Variants in SH3GL2 observed in about 807,000 individuals in gnomAD.
SH3GL2 encodes endophilin-A1.
SH3GL2 carries 24 observed loss-of-function variants against 46.0 expected under a neutral mutation model. The observed-to-expected ratio is 0.52, with a 90% CI of 0.38 to 0.73. The LOEUF (loss-of-function observed/expected upper bound fraction) is 0.73. Ranked by LOEUF, SH3GL2 falls within the 30% of genes least tolerant of loss-of-function variation. SH3GL2 has a pLI of 0.00. For synonymous variants in SH3GL2, 196 were observed against 147.1 expected (o/e 1.33, Z -2.40); for missense variants, 413 against 424.2 (o/e 0.97, Z 0.23).
chr9:17,793,901 C>T (rs543195760), intron 8 of SH3GL2, among the ~76,000 whole-genome samples: 6 of 152,222 alleles, frequency 3.9e-5, no homozygotes, highest in African/African-American at 1.2e-4. Flanking sequence ...ACAGTGTGTC[C>T]CCACATGCAT....
chr9:17,658,613 A>C lies in SH3GL2; in HGVS notation c.45+79326A>C, dbSNP rs116943816. On this transcript the variant is annotated intron_variant, in intron 1 of 8. Transcript: ENST00000380607. The stretch of plus-strand genomic sequence containing the variant: ...GTGAGATTTCCTCTAGCAATTTTAA[A>C]CTTAAACTAGATGTTTATTCGAGGG... Among the ~76,000 whole-genome samples the C allele has an allele frequency of 1.9e-3, 282 of 152,390 alleles. 1 individual carries two copies. The highest frequency in any genetic ancestry group is 6.3e-3 in the African/African-American group (263 of 41,598).
chr9:17,638,900 C>G (rs753594182), intron 1 of SH3GL2, among the ~76,000 whole-genome samples: 3 of 152,122 alleles, frequency 2.0e-5, no homozygotes, highest in East Asian at 3.9e-4. Flanking sequence ...AATGGACATC[C>G]GAATTACAGG....
intron 8 of SH3GL2, among the ~76,000 whole-genome samples, chr9:17,794,157 T>C (rs4141715): frequency 0.57 from 86,515 of 152,040 alleles, 25,175 homozygotes; most frequent in East Asian, 0.88. Flanking sequence ...AATAGAGCAT[T>C]CTTTACCTTG....
intron 1 of SH3GL2, among the ~76,000 whole-genome samples, chr9:17,600,118 C>T (rs1023153595): frequency 1.3e-5 from 2 of 152,134 alleles, no homozygotes; most frequent in African/African-American, 4.8e-5. Flanking sequence ...GGGTACTGAA[C>T]AGCAGTTTAG....
intron 1 of SH3GL2, among the ~76,000 whole-genome samples, chr9:17,738,184 A>G (rs970936675): frequency 1.3e-5 from 2 of 152,006 alleles, no homozygotes; most frequent in South Asian, 4.1e-4. Flanking sequence ...TAGGCATTCA[A>G]TTTGAGTGCT....
intron 1 of SH3GL2, among the ~76,000 whole-genome samples, chr9:17,686,930 A>G (rs1393931907): frequency 1.7e-5 from 2 of 120,748 alleles, no homozygotes; most frequent in Non-Finnish European, 3.4e-5. Context: ...CCTAAAACTT[A>G]AAGTATAATT....
chr9:17,622,404 G>A (rs951647071), intron 1 of SH3GL2, among the ~76,000 whole-genome samples: 1 of 152,098 alleles, frequency 6.6e-6, no homozygotes, highest in East Asian at 1.9e-4. Flanking sequence ...TTCTTCCAAG[G>A]GGGAGGATCT....
chr9:17,587,907 A>G (rs1265516462), intron 1 of SH3GL2, among the ~76,000 whole-genome samples: 2 of 152,042 alleles, frequency 1.3e-5, no homozygotes, highest in Non-Finnish European at 2.9e-5. Flanking sequence ...ACCAAAAAAA[A>G]AAAACCAGAA....
At chr9:17,743,259 A>T (rs1822580828) in intron 1 of SH3GL2, among the ~76,000 whole-genome samples, 1 of 152,192 alleles carries the variant, frequency 6.6e-6, no homozygotes, top group Non-Finnish European at 1.5e-5. Context: ...GCCTTGATAT[A>T]TTTAGCTCCT....
At chr9:17,601,226 C>T (rs534484564) in intron 1 of SH3GL2, among the ~76,000 whole-genome samples, 7 of 151,972 alleles carry the variant, frequency 4.6e-5, no homozygotes, top group South Asian at 2.1e-4. Context: ...TAAGAGATAC[C>T]GTTGTTTTTC....
rs561549723 is a variant in SH3GL2 at position 17,792,525 on chromosome 9, A to G, written c.729-842A>G. ...AATATTTAGGGGTATGTAGAAGACA[A>G]TTATTAGCCATACCTTTCCAATTTC... On this transcript the variant is annotated intron_variant, in intron 7 of 8. Transcript: ENST00000380607. 5.3e-5 allele frequency among the ~76,000 whole-genome samples: 8 copies of G among 152,334 alleles called. No homozygotes were observed. The East Asian group carries it at 9.6e-4, about 18-fold the overall frequency.
intron 3 of SH3GL2, among the ~76,000 whole-genome samples, chr9:17,775,669 A>G (rs923650794): frequency 2.0e-5 from 3 of 152,214 alleles, no homozygotes; most frequent in African/African-American, 7.2e-5. Flanking sequence ...CTTGGTTTCT[A>G]TAAGACAGAT....
intron 1 of SH3GL2, among the ~76,000 whole-genome samples, chr9:17,599,752 T>A (rs962156862): frequency 3.9e-5 from 6 of 152,186 alleles, no homozygotes; most frequent in African/African-American, 1.2e-4. Context: ...CTGTGTATGT[T>A]CTTTTGGATG....
intron 2 of SH3GL2, among the ~76,000 whole-genome samples, chr9:17,758,584 A>AAAAAAAAC: frequency 6.9e-6 from 1 of 145,294 alleles, no homozygotes; most frequent in Non-Finnish European, 1.5e-5. Flanking sequence ...AAAAAAAAAA[A>AAAAAAAAC]AAAAAAAAAA....
intron 1 of SH3GL2, among the ~76,000 whole-genome samples, chr9:17,623,016 CTTT>C (rs1563786511): frequency 3.1e-5 from 3 of 97,900 alleles, no homozygotes; most frequent in Non-Finnish European, 4.3e-5. Context: ...CTTTCCTTTC[CTTT>C]CCTTTCCTTT....
intron 1 of SH3GL2, among the ~76,000 whole-genome samples, chr9:17,611,290 G>T (rs907825412): frequency 7.9e-5 from 12 of 152,068 alleles, no homozygotes; most frequent in Non-Finnish European, 1.8e-4. Context: ...TAGGGTAAAC[G>T]TGGGTACGTG....
At chr9:17,615,457 C>T (rs1205588031) in intron 1 of SH3GL2, among the ~76,000 whole-genome samples, 1 of 152,018 alleles carries the variant, frequency 6.6e-6, no homozygotes, top group Non-Finnish European at 1.5e-5. Flanking sequence ...GAGATTGAGA[C>T]TATCCTGGCT....
At chr9:17,624,710 C>A (rs528581028) in intron 1 of SH3GL2, among the ~76,000 whole-genome samples, 1 of 152,178 alleles carries the variant, frequency 6.6e-6, no homozygotes, top group Non-Finnish European at 1.5e-5. Context: ...CACTTTCTGG[C>A]ATAACAATGT....
intron 4 of SH3GL2, among the ~76,000 whole-genome samples, chr9:17,787,029 A>G (rs564468282): frequency 1.3e-5 from 2 of 152,256 alleles, no homozygotes; most frequent in African/African-American, 2.4e-5. Flanking sequence ...GTGATGTGGG[A>G]TCTCCTTCCT....
Sources: allele counts gnomAD v4.1 joint callset (sites outside exome capture counted in the v4.1 genomes callset), GRCh38; gene constraint gnomAD v4.1.1; transcripts MANE v1.5; gene names NCBI Gene and HGNC (gene_info 2026-07-23, HGNC 2026-07-21).